The following EPCAM variants were observed in gnomAD, a reference collection of about 807,000 sequenced individuals.
EPCAM encodes the protein adenocarcinoma-associated antigen.
EPCAM carries 39 observed loss-of-function variants against 40.0 expected under a neutral mutation model. That is an observed-to-expected ratio of 0.98 (90% CI 0.76 to 1.27). The LOEUF is 1.27. EPCAM is among the 50% of genes most tolerant of loss of function. The probability of loss-of-function intolerance (pLI) is 0.00; values close to 1 mark genes in which losing one functional copy is unlikely to be tolerated. For missense variants in EPCAM, 503 were observed against 381.2 expected, an observed-to-expected ratio of 1.32 and a Z score of -2.66; for synonymous variants, 168 against 132.3, an observed-to-expected ratio of 1.27 and a Z score of -1.85.
chr2:47,378,571 G>C (rs1573398915), intron 5 of EPCAM, among the ~76,000 whole-genome samples: 1 of 151,730 alleles, frequency 6.6e-6, no homozygotes, highest in East Asian at 1.9e-4. Context: ...CAAAGTGCTG[G>C]GATTACAGGC....
At position 47,369,516 on chromosome 2, in the gene EPCAM, C is replaced by A. The variant is rs778641299; in HGVS notation, c.11C>A (p.Pro4Gln). MAPPQVLAFGLLLA... is the reference protein window; with the variant it reads MAPQQVLAFGLLLA... The stretch of plus-strand genomic sequence containing the variant: ...CGGCGCGCGCGCAGCATGGCGCCCC[C>A]GCAGGTCCTCGCGTTCGGGCTTCTG... The change falls in exon 1 of 9, where the codon CCG becomes CAG. Residue 4 changes from proline (P) to glutamine (Q), a missense_variant. By Grantham distance (76) the Pro-to-Gln change is moderately conservative (BLOSUM62 -1). Coordinates refer to ENST00000263735, the MANE Select transcript of EPCAM (RefSeq NM_002354.3). 6.4e-7 allele frequency: 1 copy of A among 1,563,514 alleles called. No homozygotes were observed. Among genetic ancestry groups the A allele is most frequent in the Non-Finnish European group, 8.6e-7 (1 of 1,160,788 alleles).
intron 7 of EPCAM, among the ~76,000 whole-genome samples, chr2:47,384,482 C>T (rs7581007): frequency 0.31 from 46,675 of 151,158 alleles, 7,554 homozygotes; most frequent in East Asian, 0.55. Flanking sequence ...GGCGCCATCT[C>T]GGCTCACTGC....
At chr2:47,385,126 A>G (rs1671709218) in intron 7 of EPCAM, 40 bp from the exon 8 acceptor site, 3 of 1,497,148 alleles carry the variant, frequency 2.0e-6, no homozygotes, top group Non-Finnish European at 2.8e-6. Context: ...CTTTTTTTGA[A>G]TAGCAGTCCT....
At position 47,379,891 on chromosome 2, in the gene EPCAM, A is replaced by G; in HGVS notation, c.780A>G (p.Ser260=). The G allele has an allele frequency of 6.2e-7, 1 of 1,614,208 alleles. No homozygotes were observed. The highest frequency in any genetic ancestry group is 8.5e-7 in the Non-Finnish European group (1 of 1,180,050). The stretch of plus-strand genomic sequence containing the variant: ...TTGATGAAAAAGCACCTGAATTCTC[A>G]ATGCAGGGTCTAAAAGCTGGTGTTA... ...YYVDEKAPEF[S]MQGLKAGVIA... Residue 260 remains serine (S), a synonymous_variant, in exon 7 of 9, where the codon TCA becomes TCG. Coordinates refer to ENST00000263735, the MANE Select transcript of EPCAM (RefSeq NM_002354.3).
chr2:47,372,627 C>G (rs562059612), intron 1 of EPCAM, among the ~76,000 whole-genome samples: 1 of 152,148 alleles, frequency 6.6e-6, no homozygotes, highest in African/African-American at 2.4e-5. Context: ...CAAAAATTAG[C>G]CAGGTGTGGT....
intron 3 of EPCAM, 100 bp downstream of exon 3, chr2:47,374,148 AGAAGATAT>A (rs1321017302): frequency 7.2e-7 from 1 of 1,385,190 alleles, no homozygotes; most frequent in African/African-American, 1.4e-5. Flanking sequence ...TTTAGAATTC[AGAAGATAT>A]GAGTGTCCAG....
intron 3 of EPCAM, among the ~76,000 whole-genome samples, chr2:47,374,649 C>CT (rs951082789): frequency 5.3e-5 from 8 of 150,294 alleles, no homozygotes; most frequent in East Asian, 1.9e-4. Context: ...CTTTTCTTTT[C>CT]TTTTTTTTTC....
chr2:47,372,483 GA>G (rs571833620), intron 1 of EPCAM, among the ~76,000 whole-genome samples: 1 of 150,614 alleles, frequency 6.6e-6, no homozygotes, highest in African/African-American at 2.4e-5. Context: ...ACTAAAAATA[GA>G]AAAAAAAAGC....
At chr2:47,373,306 G>C (rs1175883382) in intron 1 of EPCAM, among the ~76,000 whole-genome samples, 157 bp from the exon 2 acceptor site, 4 of 149,726 alleles carry the variant, frequency 2.7e-5, no homozygotes, top group African/African-American at 9.8e-5. Context: ...CAGGCACTTA[G>C]GCAGTAGTCT....
intron 1 of EPCAM, among the ~76,000 whole-genome samples, chr2:47,372,528 CT>C (rs1283686007): frequency 6.6e-6 from 1 of 152,042 alleles, no homozygotes; most frequent in Non-Finnish European, 1.5e-5. Context: ...AATCCCAGCA[CT>C]TTGGTAGGCC....
chr2:47,379,796 A>G lies in EPCAM; in HGVS notation c.685A>G (p.Lys229Glu). The change falls in exon 7 of 9, where the codon AAG becomes GAG. Residue 229 changes from lysine to glutamate, a missense_variant. Lys to Glu is a moderately conservative substitution (Grantham distance 56). Coordinates refer to ENST00000263735, the MANE Select transcript of EPCAM (RefSeq NM_002354.3). ...TAAAGGTGAATCCTTGTTTCATTCT[A>G]AGAAAATGGACCTGACAGTAAATGG... is the stretch of plus-strand genomic sequence containing the variant. ...DVKGESLFHS[K>E]KMDLTVNGEQ... 1 of 1,613,694 alleles carries G rather than the reference A, an allele frequency of 6.2e-7. No individual in the cohort carries two copies. Among genetic ancestry groups the G allele is most frequent in the Non-Finnish European group, 8.5e-7 (1 of 1,179,870 alleles).
intron 1 of EPCAM, among the ~76,000 whole-genome samples, chr2:47,371,869 T>G (rs1671278682): frequency 6.6e-6 from 1 of 152,182 alleles, no homozygotes; most frequent in African/African-American, 2.4e-5. Flanking sequence ...TGAAATCAAC[T>G]TAGGGTACTT....
intron 3 of EPCAM, 96 bp from the exon 4 acceptor site, chr2:47,375,138 A>T: frequency 2.2e-6 from 2 of 893,858 alleles, no homozygotes; most frequent in Admixed American, 4.1e-5. Context: ...TTTTTCTCTT[A>T]GTCCTTATAA....
chr2:47,370,622 G>C (rs1671235575), intron 1 of EPCAM, among the ~76,000 whole-genome samples: 1 of 152,210 alleles, frequency 6.6e-6, no homozygotes, highest in African/African-American at 2.4e-5. Flanking sequence ...ACCCAGGCTG[G>C]AGTGCAATGG....
Position 47,378,954 on chromosome 2 carries a change from A to T in EPCAM, c.557A>T (p.Tyr186Phe). 1 of 1,419,538 alleles carries T rather than the reference A, an allele frequency of 7.0e-7. No individual in the cohort carries two copies. Among genetic ancestry groups the T allele is most frequent in the Non-Finnish European group, 1.0e-6 (1 of 1,003,466 alleles). 87.9% of individuals were successfully genotyped at this position (1,419,538 alleles called of 1,614,324 possible). A position where few individuals can be genotyped will look rare whatever the true frequency, so the allele number is the denominator to read the frequency against. The stretch of plus-strand genomic sequence containing the variant: ...GTATTATTCAATTTTTTTCCCCAGT[A>T]TGAGAATAATGTTATCACTATTGAT... ...LDPKFITSIL[Y>F]ENNVITIDLV... The change falls in exon 6 of 9, where the codon TAT becomes TTT. Residue 186 changes from tyrosine (Y) to phenylalanine (F), a missense_variant and splice_region_variant. Tyr to Phe is a conservative substitution (Grantham distance 22). Coordinates refer to ENST00000263735, the MANE Select transcript of EPCAM (RefSeq NM_002354.3).
intron 8 of EPCAM, among the ~76,000 whole-genome samples, 179 bp downstream of exon 8, chr2:47,385,389 A>G (rs962595553): frequency 3.0e-4 from 46 of 152,190 alleles, no homozygotes; most frequent in African/African-American, 1.1e-3. Flanking sequence ...CGTGAGTTCC[A>G]TGGCAGATCA....
intron 1 of EPCAM, chr2:47,369,869 A>G: frequency 1.9e-6 from 1 of 539,526 alleles, no homozygotes; most frequent in East Asian, 3.5e-5. Flanking sequence ...GGCCACGTCC[A>G]GGTTTCCTGC....
chr2:47,377,915 G>T (rs972103440), intron 5 of EPCAM: 14 of 299,402 alleles, frequency 4.7e-5, no homozygotes, highest in South Asian at 3.2e-4. Context: ...TCTTTAGAAA[G>T]AATGTACTTT....
At chr2:47,372,028 C>T (rs879768324) in intron 1 of EPCAM, among the ~76,000 whole-genome samples, 1 of 152,024 alleles carries the variant, frequency 6.6e-6, no homozygotes, top group African/African-American at 2.4e-5. Context: ...CTTGCCTATT[C>T]GAAGTTAAAT....
Sources: allele counts gnomAD v4.1 joint callset (sites outside exome capture counted in the v4.1 genomes callset), GRCh38; gene constraint gnomAD v4.1.1; transcripts MANE v1.5; gene names NCBI Gene and HGNC (gene_info 2026-07-23, HGNC 2026-07-21).